NRG1: variants seen among roughly 807,000 people sequenced by gnomAD.
The protein encoded by NRG1 is neuregulin 1.
A neutral mutation model predicts 63.8 loss-of-function variants in NRG1; 18 were observed. That is an observed-to-expected ratio of 0.28 (90% CI 0.19 to 0.42). The LOEUF is 0.42. NRG1 is among the 10% of genes least tolerant of loss of function. NRG1 has a pLI of 1.00. For missense variants in NRG1, 762 were observed against 814.7 expected, an observed-to-expected ratio of 0.94 and a Z score of 0.79; for synonymous variants, 302 against 301.3, an observed-to-expected ratio of 1.00 and a Z score of -0.02.
intron 1 of NRG1, among the ~76,000 whole-genome samples, chr8:31,992,711 A>G (rs1811298349): frequency 6.6e-6 from 1 of 152,042 alleles, no homozygotes; most frequent in African/African-American, 2.4e-5. Flanking sequence ...TACTGATTTT[A>G]TTAATTAATA....
intron 1 of NRG1, among the ~76,000 whole-genome samples, chr8:32,121,452 A>C (rs1286963599): frequency 6.6e-6 from 1 of 151,888 alleles, no homozygotes; most frequent in African/African-American, 2.4e-5. Flanking sequence ...GGGACATCAT[A>C]AAACCTCAAT....
intron 1 of NRG1, among the ~76,000 whole-genome samples, chr8:32,126,562 T>C (rs1834092278): frequency 6.6e-6 from 1 of 151,866 alleles, no homozygotes; most frequent in Admixed American, 6.6e-5. Context: ...TCCCCAGGGA[T>C]GCCCTAATAA....
chr8:32,151,249 C>T (rs1274176458), intron 1 of NRG1, among the ~76,000 whole-genome samples: 1 of 151,920 alleles, frequency 6.6e-6, no homozygotes, highest in Non-Finnish European at 1.5e-5. Flanking sequence ...CTAGAGGCTA[C>T]GTGGATAGAA....
In NRG1 at chr8:32,634,099, T is replaced by TAAAAAAAAAAAAAAAA. The variant is rs57478389; in HGVS notation, c.502+17218_502+17233dup. On this transcript the variant is annotated intron_variant, in intron 5 of 11. Coordinates refer to ENST00000356819, the Ensembl canonical transcript of NRG1. ...TTTGAGGCTGAGCAAGATCTTGTCT[T>TAAAAAAAAAAAAAAAA]AAAAAAAAAAAAAAAAAAAGGTTGC... is the stretch of plus-strand genomic sequence containing the variant. Among the ~76,000 whole-genome samples, 152 of 86,716 alleles carry TAAAAAAAAAAAAAAAA rather than the reference T, an allele frequency of 1.8e-3. 4 individuals are homozygous for TAAAAAAAAAAAAAAAA. The highest frequency in any genetic ancestry group is 2.6e-3 in the Admixed American group (21 of 7,988). The allele number at this position is 86,716 out of a possible 152,430, so 56.9% of individuals were successfully genotyped here.
At chr8:32,763,404 C>A (rs752790044) in intron 11 of NRG1, 100 of 1,595,552 alleles carry the variant, frequency 6.3e-5, no homozygotes, top group Non-Finnish European at 8.1e-5. Context: ...AATCCCTGAG[C>A]CTTGGTCCTT....
At chr8:32,545,096 T>C (rs1298261192), upstream of NRG1, among the ~76,000 whole-genome samples, 1 of 152,226 alleles carries the variant, frequency 6.6e-6, no homozygotes, top group East Asian at 1.9e-4. Flanking sequence ...TTTGTCTTGT[T>C]AGTCTTCTTT....
At chr8:31,989,017 G>A (rs1053054431) in intron 1 of NRG1, among the ~76,000 whole-genome samples, 1 of 151,870 alleles carries the variant, frequency 6.6e-6, no homozygotes, top group African/African-American at 2.4e-5. Flanking sequence ...AGGAGGCTGA[G>A]GTGGGCAGGT....
chr8:31,790,696 C>A (rs1820613728), intron 1 of NRG1, among the ~76,000 whole-genome samples: 1 of 152,136 alleles, frequency 6.6e-6, no homozygotes. Flanking sequence ...TGCTTTCCTC[C>A]ATTATTCATC....
intron 5 of NRG1, among the ~76,000 whole-genome samples, chr8:32,705,116 G>GGA (rs760538877): frequency 3.3e-5 from 5 of 151,776 alleles, no homozygotes; most frequent in African/African-American, 4.8e-5. Context: ...AATCAGCATG[G>GGA]GATAGGTGAC....
intron 1 of NRG1, among the ~76,000 whole-genome samples, chr8:32,206,669 C>A (rs1212358901): frequency 2.0e-5 from 3 of 152,150 alleles, no homozygotes; most frequent in African/African-American, 4.8e-5. Flanking sequence ...TTAGGGGGTA[C>A]AAGTGCAGTT....
At chr8:32,569,776 A>G (rs1157168575) in intron 1 of NRG1, among the ~76,000 whole-genome samples, 2 of 152,040 alleles carry the variant, frequency 1.3e-5, no homozygotes, top group Non-Finnish European at 2.9e-5. Flanking sequence ...TAAAACAATC[A>G]TACACAAGTA....
chr8:31,667,691 A>G (rs1806694324), intron 1 of NRG1, among the ~76,000 whole-genome samples: 1 of 152,192 alleles, frequency 6.6e-6, no homozygotes, highest in South Asian at 2.1e-4. Context: ...GCCATTTCAG[A>G]GACTCTGGAC....
At chr8:31,971,751 C>G (rs2129629035) in intron 1 of NRG1, among the ~76,000 whole-genome samples, 1 of 152,144 alleles carries the variant, frequency 6.6e-6, no homozygotes, top group Non-Finnish European at 1.5e-5. Flanking sequence ...ATTTTAGTTA[C>G]CTCCAGGCTA....
At chr8:31,989,388 A>C (rs1484085422) in intron 1 of NRG1, among the ~76,000 whole-genome samples, 2 of 151,812 alleles carry the variant, frequency 1.3e-5, no homozygotes, top group Non-Finnish European at 2.9e-5. Flanking sequence ...TCTGAGTATC[A>C]GTTATATTTA....
chr8:32,486,642 T>TTTG (rs1825939780), intron 1 of NRG1, among the ~76,000 whole-genome samples: 1 of 151,726 alleles, frequency 6.6e-6, no homozygotes, highest in African/African-American at 2.4e-5. Flanking sequence ...TTTTTTTTTT[T>TTTG]GGAATGGAGT....
intron 1 of NRG1, among the ~76,000 whole-genome samples, chr8:31,902,094 G>C (rs1228537428): frequency 2.6e-5 from 4 of 152,130 alleles, no homozygotes; most frequent in Admixed American, 2.6e-4. Flanking sequence ...AAAAAAGTGG[G>C]TGAGATGGTG....
chr8:31,920,924 A>C (rs1374994215), intron 1 of NRG1, among the ~76,000 whole-genome samples: 1 of 148,594 alleles, frequency 6.7e-6, no homozygotes, highest in Non-Finnish European at 1.5e-5. Context: ...AGATAGATAG[A>C]TATAAAAACC....
intron 1 of NRG1, among the ~76,000 whole-genome samples, chr8:32,025,620 T>A (rs7837400): frequency 1 from 150,902 of 151,374 alleles, 75,217 homozygotes; most frequent in South Asian, 1. Context: ...TTTTTTTTTT[T>A]TTTTTATTTT....
At chr8:32,222,026 AACAT>A (rs534342057) in intron 1 of NRG1, among the ~76,000 whole-genome samples, 2 of 89,760 alleles carry the variant, frequency 2.2e-5, no homozygotes, top group East Asian at 8.4e-4. Flanking sequence ...TCTATATGGA[AACAT>A]ACATACACAC....
Sources: allele counts gnomAD v4.1 joint callset (sites outside exome capture counted in the v4.1 genomes callset), GRCh38; gene constraint gnomAD v4.1.1; transcripts MANE v1.5; gene names NCBI Gene and HGNC (gene_info 2026-07-23, HGNC 2026-07-21).